SYNDIG1: variants seen among roughly 807,000 people sequenced by gnomAD.
SYNDIG1 encodes synapse differentiation-inducing gene protein 1.
Under a neutral mutation model 19.4 loss-of-function variants are expected in SYNDIG1, and 9 were observed. The observed-to-expected ratio is 0.46, with a 90% confidence interval of 0.28 to 0.81. The LOEUF is 0.81. Ranked by LOEUF, SYNDIG1 falls within the 30% of genes least tolerant of loss-of-function variation. SYNDIG1 has a pLI of 0.12. For synonymous variants in SYNDIG1, 141 were observed against 145.9 expected, an observed-to-expected ratio of 0.97 and a Z score of 0.24; for missense variants, 311 against 343.3, an observed-to-expected ratio of 0.91 and a Z score of 0.74.
chr20:24,597,734 G>A (rs966238020), intron 3 of SYNDIG1, among the ~76,000 whole-genome samples: 1 of 152,192 alleles, frequency 6.6e-6, no homozygotes, highest in African/African-American at 2.4e-5. Context: ...TGGAAAGGAG[G>A]TGTGGAAGGA....
At chr20:24,636,076 G>C (rs1469690012) in intron 3 of SYNDIG1, among the ~76,000 whole-genome samples, 1 of 152,118 alleles carries the variant, frequency 6.6e-6, no homozygotes, top group Non-Finnish European at 1.5e-5. Context: ...CTGGACTTTG[G>C]GGGGGCTCTA....
chr20:24,634,180 T>A (rs2059289880), intron 3 of SYNDIG1, among the ~76,000 whole-genome samples: 1 of 152,236 alleles, frequency 6.6e-6, no homozygotes. Context: ...TGGGCAGTTT[T>A]GATTTACACG....
At chr20:24,650,169 C>T (rs2059456137) in intron 3 of SYNDIG1, among the ~76,000 whole-genome samples, 1 of 152,226 alleles carries the variant, frequency 6.6e-6, no homozygotes, top group African/African-American at 2.4e-5. Context: ...GTTGCTTACA[C>T]TTTCTCAGTC....
chr20:24,588,937 G>A (rs1042942250), intron 3 of SYNDIG1, among the ~76,000 whole-genome samples: 1 of 130,220 alleles, frequency 7.7e-6, no homozygotes, highest in African/African-American at 2.9e-5. Flanking sequence ...TCTGGGGGAG[G>A]CATCTGGCTT....
chr20:24,653,572 C>T (rs930918568), intron 3 of SYNDIG1, among the ~76,000 whole-genome samples: 19 of 152,160 alleles, frequency 1.2e-4, no homozygotes, highest in African/African-American at 3.9e-4. Flanking sequence ...CAGCAGGGCC[C>T]GGCCCCTCTA....
intron 3 of SYNDIG1, among the ~76,000 whole-genome samples, chr20:24,652,288 C>T (rs868449454): frequency 1.3e-5 from 2 of 152,198 alleles, no homozygotes; most frequent in African/African-American, 2.4e-5. Flanking sequence ...GCCAAAGACA[C>T]GCCTGTCCCT....
chr20:24,632,574 A>G (rs112028431), intron 3 of SYNDIG1, among the ~76,000 whole-genome samples: 5 of 145,762 alleles, frequency 3.4e-5, no homozygotes, highest in African/African-American at 1.0e-4. Context: ...AACACCAGTG[A>G]AAAAAAGCAG....
intron 2 of SYNDIG1, among the ~76,000 whole-genome samples, chr20:24,569,044 G>A (rs2058098744): frequency 6.6e-6 from 1 of 152,222 alleles, no homozygotes; most frequent in South Asian, 2.1e-4. Context: ...TGAGGAGACA[G>A]TGCAGGTGTC....
intron 3 of SYNDIG1, among the ~76,000 whole-genome samples, chr20:24,600,265 T>A (rs2147118910): frequency 6.6e-6 from 1 of 152,348 alleles, no homozygotes; most frequent in Non-Finnish European, 1.5e-5. Context: ...TGAGTCTTTG[T>A]GTTTATTTAT....
intron 1 of SYNDIG1, among the ~76,000 whole-genome samples, chr20:24,488,497 G>A (rs1258462339): frequency 6.6e-6 from 1 of 152,212 alleles, no homozygotes; most frequent in African/African-American, 2.4e-5. Flanking sequence ...CCCCAGAGTG[G>A]GGAGCAGAGG....
At chr20:24,483,659 AC>A (rs2055863206) in intron 1 of SYNDIG1, among the ~76,000 whole-genome samples, 1 of 152,210 alleles carries the variant, frequency 6.6e-6, no homozygotes, top group Non-Finnish European at 1.5e-5. Context: ...CCTGCGGCTG[AC>A]CGTCTTGGCT....
At chr20:24,489,502 GAC>G (rs1440498071) in intron 1 of SYNDIG1, among the ~76,000 whole-genome samples, 6 of 146,140 alleles carry the variant, frequency 4.1e-5, no homozygotes, top group East Asian at 2.1e-4. Context: ...TGGACACATA[GAC>G]ACAGATACAT....
intron 1 of SYNDIG1, among the ~76,000 whole-genome samples, chr20:24,482,571 C>A (rs2055829322): frequency 6.6e-6 from 1 of 152,054 alleles, no homozygotes; most frequent in Admixed American, 6.6e-5. Context: ...TATCTGTGGC[C>A]ACACAACAGA....
At position 24,543,131 on chromosome 20, in the gene SYNDIG1, G is replaced by T; in HGVS notation, c.34G>T (p.Val12Leu). 1.9e-6 allele frequency: 3 copies of T among 1,614,156 alleles called. No homozygotes were observed. The highest frequency in any genetic ancestry group is 1.7e-5 in the Admixed American group (1 of 60,022). Reference sequence around the variant, plus strand: ...CATCATTGAACAGAAGAGCATGCTGGTGCACAGTAAAATCAGTGATGCTGG... The same window carrying T: ...CATCATTGAACAGAAGAGCATGCTGTTGCACAGTAAAATCAGTGATGCTGG... ...DGIIEQKSML[V>L]HSKISDAGKR... is the part of the protein sequence containing the mutation. Residue 12 changes from valine (V) to leucine (L), a missense_variant, in exon 2 of 4, where the codon GTG (valine) becomes TTG (leucine). Transcript: ENST00000376862.
rs868513426 is a variant in SYNDIG1, at chr20:24,636,568, C to T, written c.619-28778C>T. ...CACCTCTCCCTAATGTTTTACTATG[C>T]AGATGGGGTCTCTACCTGGCCAGTG... On this transcript the variant is annotated intron_variant, in intron 3 of 3. Transcript: ENST00000376862. Among the ~76,000 whole-genome samples, 5 of 152,330 alleles carry T rather than the reference C, an allele frequency of 3.3e-5. No individual in the cohort carries two copies. In the South Asian group the frequency reaches 8.3e-4, roughly 25 times the overall value.
chr20:24,478,581 T>A (rs937092220), intron 1 of SYNDIG1, among the ~76,000 whole-genome samples: 1 of 152,278 alleles, frequency 6.6e-6, no homozygotes, highest in African/African-American at 2.4e-5. Context: ...CCTAGAATAC[T>A]GTTTGGGACA....
intron 1 of SYNDIG1, among the ~76,000 whole-genome samples, chr20:24,512,563 A>C (rs1370811623): frequency 6.6e-6 from 1 of 152,072 alleles, no homozygotes; most frequent in Non-Finnish European, 1.5e-5. Context: ...GTCTGAGATC[A>C]AACTGCAAGG....
chr20:24,523,750 C>A (rs2057056687), intron 1 of SYNDIG1, among the ~76,000 whole-genome samples: 2 of 152,172 alleles, frequency 1.3e-5, no homozygotes, highest in Non-Finnish European at 2.9e-5. Context: ...AAATGACATT[C>A]TTTTCACATT....
intron 1 of SYNDIG1, among the ~76,000 whole-genome samples, chr20:24,521,185 A>G (rs1293967247): frequency 3.3e-5 from 5 of 152,216 alleles, no homozygotes; most frequent in African/African-American, 1.2e-4. Flanking sequence ...TCAGGGTAGC[A>G]TATGCCATAT....
Sources: gnomAD v4.1 joint callset for allele counts (sites outside exome capture counted in the v4.1 genomes callset) on GRCh38, gnomAD v4.1.1 for gene constraint, MANE v1.5 for transcripts, NCBI Gene and HGNC (gene_info 2026-07-23, HGNC 2026-07-21) for gene names.